B3GALT1: variants seen among roughly 807,000 people sequenced by gnomAD.
The protein encoded by B3GALT1 is UDP-Gal:betaGlcNAc beta 1,3-galactosyltransferase, polypeptide 1.
B3GALT1 carries 10 observed loss-of-function variants against 23.2 expected under a neutral mutation model. The ratio of observed to expected loss-of-function variants is 0.43; its 90% CI spans 0.27 to 0.73. B3GALT1 has a LOEUF of 0.73. Ranked by LOEUF, B3GALT1 falls within the 30% of genes least tolerant of loss-of-function variation. The pLI, the probability that B3GALT1 is intolerant of heterozygous loss-of-function variation, is 0.21. For missense variants in B3GALT1, 299 were observed against 405.4 expected (o/e 0.74, Z 2.25); for synonymous variants, 156 against 141.5 (o/e 1.10, Z -0.73).
chr2:167,631,575 G>C (rs964009241), intron 2 of B3GALT1: 1 of 151,496 alleles, frequency 6.6e-6, no homozygotes, highest in African/African-American at 2.4e-5. Context: ...ACTAATCTGG[G>C]TTCTTAATTA....
At chr2:167,429,251 A>T (rs1477932343) in intron 1 of B3GALT1, among the ~76,000 whole-genome samples, 1 of 147,732 alleles carries the variant, frequency 6.8e-6, no homozygotes, top group Admixed American at 6.9e-5. Context: ...GCTGCACTCC[A>T]GCCTGGGTGA....
At chr2:167,763,038 A>G (rs1220791209) in intron 3 of B3GALT1, among the ~76,000 whole-genome samples, 1 of 152,092 alleles carries the variant, frequency 6.6e-6, no homozygotes, top group Non-Finnish European at 1.5e-5. Context: ...AATAAAATGC[A>G]TTTTTTCTTC....
chr2:167,429,879 A>T (rs1201774974), intron 1 of B3GALT1, among the ~76,000 whole-genome samples: 1 of 152,264 alleles, frequency 6.6e-6, no homozygotes. Context: ...ATTCTTCACG[A>T]TCATTTATTT....
At chr2:167,426,096 T>C (rs191918839) in intron 1 of B3GALT1, among the ~76,000 whole-genome samples, 10 of 152,162 alleles carry the variant, frequency 6.6e-5, no homozygotes, top group Non-Finnish European at 8.8e-5. Flanking sequence ...ACCAATAGAA[T>C]AGGAGGAAAG....
chr2:167,488,142 A>G (rs958946791), intron 1 of B3GALT1, among the ~76,000 whole-genome samples: 11 of 152,220 alleles, frequency 7.2e-5, no homozygotes, highest in Non-Finnish European at 1.5e-4. Flanking sequence ...GGTTTAATAG[A>G]AAAACATTAT....
intron 1 of B3GALT1, among the ~76,000 whole-genome samples, 163 bp downstream of exon 1, chr2:167,293,497 C>T (rs1040788628): frequency 2.1e-4 from 32 of 152,180 alleles, no homozygotes; most frequent in Admixed American, 2.0e-3. Context: ...CGTGCGGCTC[C>T]AGCTGGTGCG....
rs1022612183 is a variant in B3GALT1 at position 167,568,528 on chromosome 2, T to A, written c.-410+78251T>A. The stretch of plus-strand genomic sequence containing the variant: ...TCATATGCTTAATTGCTCTTGAATG[T>A]CTTCTTTAGTGAGTTACCTGTTAAG... On this transcript the variant is annotated intron_variant, in intron 2 of 4. Transcript: ENST00000392690. Among the ~76,000 whole-genome samples, 3 of 152,132 alleles carry A rather than the reference T, an allele frequency of 2.0e-5. No homozygotes were observed. The South Asian group carries it at 6.2e-4, about 32-fold the overall frequency.
rs193061686 is a variant in B3GALT1, at chr2:167,775,297, G to A, written c.-351-43375G>A. Among the ~76,000 whole-genome samples, 211 of 152,276 alleles carry A rather than the reference G, an allele frequency of 1.4e-3. 1 individual carries two copies. Among genetic ancestry groups the A allele is most frequent in the Non-Finnish European group, 1.1e-3 (74 of 68,012 alleles). On this transcript the variant is annotated intron_variant, in intron 3 of 4. Transcript: ENST00000392690. ...TAAAATATAATGAAATGGGCTGGGC[G>A]TGGTATCTCACGCCTGTAATCCCAG...
intron 1 of B3GALT1, among the ~76,000 whole-genome samples, chr2:167,356,471 C>T (rs1194904344): frequency 2.0e-5 from 3 of 152,076 alleles, no homozygotes; most frequent in Admixed American, 6.6e-5. Flanking sequence ...GCTAAATTCC[C>T]TCACTTGCTT....
Position 167,729,138 on chromosome 2 carries a change from A to G in B3GALT1, c.-352+82172A>G, listed in dbSNP as rs75784655. Among the ~76,000 whole-genome samples the G allele has an allele frequency of 0.01, 1,542 of 152,256 alleles. 69 individuals are homozygous for G. The East Asian group carries it at 0.14, about 14-fold the overall frequency. On this transcript the variant is annotated intron_variant, in intron 3 of 4. Transcript: ENST00000392690. ...GTGAACTGTGAGGGAGGGAGTGGGGATGATGGGGAAAGTCCTGGACCATGA... is the reference window on the plus strand; with the variant it reads ...GTGAACTGTGAGGGAGGGAGTGGGGGTGATGGGGAAAGTCCTGGACCATGA...
At chr2:167,386,957 C>G (rs759835316) in intron 1 of B3GALT1, among the ~76,000 whole-genome samples, 10 of 152,142 alleles carry the variant, frequency 6.6e-5, no homozygotes, top group Non-Finnish European at 1.3e-4. Context: ...TTGAGTGACT[C>G]CTTGGTTGCT....
chr2:167,344,677 G>A (rs1431503120), intron 1 of B3GALT1, among the ~76,000 whole-genome samples: 3 of 152,206 alleles, frequency 2.0e-5, no homozygotes, highest in Admixed American at 6.5e-5. Context: ...ATCTATGTGA[G>A]CTCTGGTGTG....
chr2:167,321,785 AC>A (rs745741117), intron 1 of B3GALT1, among the ~76,000 whole-genome samples: 14 of 151,996 alleles, frequency 9.2e-5, no homozygotes, highest in Non-Finnish European at 1.9e-4. Context: ...TTTAACTGCC[AC>A]CCTTTCAGCT....
intron 1 of B3GALT1, among the ~76,000 whole-genome samples, chr2:167,429,286 A>C (rs1188575086): frequency 6.6e-6 from 1 of 151,468 alleles, no homozygotes; most frequent in Non-Finnish European, 1.5e-5. Context: ...GTCTCAAAAA[A>C]AAAAAAAAAA....
chr2:167,523,053 AC>A (rs1050666066), intron 2 of B3GALT1, among the ~76,000 whole-genome samples: 3 of 152,098 alleles, frequency 2.0e-5, no homozygotes, highest in Admixed American at 6.6e-5. Context: ...GCCACTGGAC[AC>A]CCATGACTCC....
intron 3 of B3GALT1, among the ~76,000 whole-genome samples, chr2:167,665,820 C>A (rs1475326331): frequency 6.6e-6 from 1 of 152,126 alleles, no homozygotes; most frequent in African/African-American, 2.4e-5. Flanking sequence ...TCCTCTTTAT[C>A]ATTTTTATTG....
chr2:167,764,199 C>T (rs535600904), intron 3 of B3GALT1, among the ~76,000 whole-genome samples: 1 of 152,314 alleles, frequency 6.6e-6, no homozygotes, highest in East Asian at 1.9e-4. Flanking sequence ...CAAAAGTTTT[C>T]TGGTTCATTC....
At chr2:167,469,382 GAC>G (rs1245917240) in intron 1 of B3GALT1, among the ~76,000 whole-genome samples, 1 of 152,174 alleles carries the variant, frequency 6.6e-6, no homozygotes, top group Non-Finnish European at 1.5e-5. Context: ...AATAGTGCCT[GAC>G]ACATAAGTGG....
intron 1 of B3GALT1, among the ~76,000 whole-genome samples, chr2:167,376,063 T>A (rs1389209357): frequency 6.6e-6 from 1 of 152,234 alleles, no homozygotes; most frequent in Non-Finnish European, 1.5e-5. Flanking sequence ...AAGCTATTTC[T>A]GCATCTGTTG....
Sources: gnomAD v4.1 joint callset for allele counts (sites outside exome capture counted in the v4.1 genomes callset) on GRCh38, gnomAD v4.1.1 for gene constraint, MANE v1.5 for transcripts, NCBI Gene and HGNC (gene_info 2026-07-23, HGNC 2026-07-21) for gene names.